Variants in ARHGAP18 observed in about 807,000 individuals in gnomAD.
The protein encoded by ARHGAP18 is Rho GTPase activating protein 18, also known as rho GTPase-activating protein 18.
ARHGAP18 carries 67 observed loss-of-function variants against 86.2 expected under a neutral mutation model. The ratio of observed to expected loss-of-function variants is 0.78; its 90% CI spans 0.64 to 0.95. The LOEUF (loss-of-function observed/expected upper bound fraction) is 0.95, where lower values mean the gene tolerates loss of function less well. Among genes scored for constraint, ARHGAP18 ranks in the 40% least tolerant of loss-of-function variants. The probability of loss-of-function intolerance (pLI) is 0.00; values close to 1 mark genes in which losing one functional copy is unlikely to be tolerated. For synonymous variants in ARHGAP18, 283 were observed against 280.4 expected (o/e 1.01, Z -0.09); for missense variants, 691 against 780.4 (o/e 0.89, Z 1.37).
intron 3 of ARHGAP18, 78 bp downstream of exon 3, chr6:129,638,316 C>G (rs1400320835): frequency 2.9e-6 from 4 of 1,368,270 alleles, no homozygotes; most frequent in Non-Finnish European, 4.1e-6. Flanking sequence ...CGTTTTTAAT[C>G]ATTTGAATTA....
Position 129,615,040 on chromosome 6 carries a change from T to TA in ARHGAP18, c.1044+1171dup, listed in dbSNP as rs945926651. 9.9e-5 allele frequency among the ~76,000 whole-genome samples: 15 copies of TA among 151,090 alleles called. No individual in the cohort carries two copies. In the South Asian group the frequency reaches 1.5e-3, roughly 15 times the overall value. ...GAGCCCCACAATTGTGTGAGCCAAT[T>TA]AAAAAAAAACAAATCTCTTCCTCTC... On this transcript the variant is annotated intron_variant, in intron 7 of 14. Coordinates refer to ENST00000368149, the MANE Select transcript of ARHGAP18 (RefSeq NM_033515.3).
Position 129,611,539 on chromosome 6 carries a change from T to G in ARHGAP18, c.1116A>C (p.Arg372Ser). Residue 372 changes from arginine to serine, a missense_variant, in exon 8 of 15, where the codon AGA becomes AGC. Coordinates refer to ENST00000368149, the MANE Select transcript of ARHGAP18 (RefSeq NM_033515.3). ...GLLRIPGAAI[R>S]IKNLCQELEA... ...AGTAGAACCCAGAGATTACCTTGATTCTAATGGCAGCTCCAGGGATCCGTA... is the reference window on the plus strand; with the variant it reads ...AGTAGAACCCAGAGATTACCTTGATGCTAATGGCAGCTCCAGGGATCCGTA... 6.2e-6 allele frequency: 10 copies of G among 1,613,658 alleles called. No individual in the cohort carries two copies. The highest frequency in any genetic ancestry group is 7.6e-6 in the Non-Finnish European group (9 of 1,179,686).
intron 5 of ARHGAP18, among the ~76,000 whole-genome samples, chr6:129,620,007 G>T (rs139049250): frequency 4.9e-4 from 75 of 152,178 alleles, no homozygotes; most frequent in African/African-American, 1.7e-3. Flanking sequence ...GAATTCAGAG[G>T]GCTATTGTGA....
rs77751439 is a variant in ARHGAP18, at chr6:129,692,508, T to C, written c.113+17516A>G. On this transcript the variant is annotated intron_variant, in intron 1 of 14. Transcript: ENST00000368149. ...TAAACAGGCACAGAATTTTAGGGGA[T>C]AAATATGAAAGCATACAGACAAAAA... 4.9e-3 allele frequency among the ~76,000 whole-genome samples: 743 copies of C among 152,208 alleles called. 4 individuals carry two copies. The highest frequency in any genetic ancestry group is 0.016 in the African/African-American group (651 of 41,520).
At chr6:129,681,788 C>T (rs150737494) in intron 1 of ARHGAP18, among the ~76,000 whole-genome samples, 386 of 152,322 alleles carry the variant, frequency 2.5e-3, no homozygotes, top group Non-Finnish European at 4.4e-3. Context: ...AAAGACAACA[C>T]ATTGCATTTC....
rs1788220235 is a variant in ARHGAP18, at chr6:129,578,303, A to G, written c.*210T>C. On this transcript the variant is annotated 3_prime_UTR_variant, in exon 15 of 15. Coordinates refer to ENST00000368149, the MANE Select transcript of ARHGAP18 (RefSeq NM_033515.3). ...TTAAGCCTCTTTACTCTCACTCCAG[A>G]AATTTTTTTTCTAATAATAACATTA... The G allele has an allele frequency of 9.0e-6, 2 of 223,158 alleles. No individual in the cohort carries two copies. The highest frequency in any genetic ancestry group is 4.6e-5 in the African/African-American group (2 of 43,622). The allele number at this position is 223,158 out of a possible 1,614,324, so 13.8% of individuals were successfully genotyped here.
chr6:129,610,601 C>T (rs930406451), intron 8 of ARHGAP18, among the ~76,000 whole-genome samples: 3 of 152,134 alleles, frequency 2.0e-5, no homozygotes, highest in African/African-American at 7.2e-5. Flanking sequence ...GGTCCCCCAT[C>T]TGCAGGAGTC....
At chr6:129,595,264 G>A (rs1210127283) in intron 12 of ARHGAP18, among the ~76,000 whole-genome samples, 2 of 152,096 alleles carry the variant, frequency 1.3e-5, no homozygotes, top group Non-Finnish European at 2.9e-5. Flanking sequence ...TTATCACATA[G>A]TAACATATTA....
chr6:129,582,653 C>T (rs1321413281), intron 13 of ARHGAP18, among the ~76,000 whole-genome samples: 2 of 152,180 alleles, frequency 1.3e-5, no homozygotes, highest in Non-Finnish European at 2.9e-5. Context: ...TCTCCAAAAA[C>T]ACATCTACTC....
At chr6:129,637,747 C>T (rs564647334) in intron 3 of ARHGAP18, among the ~76,000 whole-genome samples, 8 of 152,194 alleles carry the variant, frequency 5.3e-5, no homozygotes. Flanking sequence ...GATCACTTTC[C>T]TTTCCCTGTC....
intron 1 of ARHGAP18, among the ~76,000 whole-genome samples, chr6:129,697,199 C>G (rs1418489760): frequency 6.6e-6 from 1 of 152,174 alleles, no homozygotes; most frequent in Non-Finnish European, 1.5e-5. Flanking sequence ...GATAACCAAC[C>G]AGCACAAGTG....
At chr6:129,579,799 C>T (rs1246601904) in intron 14 of ARHGAP18, among the ~76,000 whole-genome samples, 2 of 152,164 alleles carry the variant, frequency 1.3e-5, no homozygotes, top group East Asian at 1.9e-4. Context: ...TTTTGAAAAA[C>T]TTGCATCATT....
chr6:129,626,979 A>C (rs1192553096), intron 5 of ARHGAP18, among the ~76,000 whole-genome samples: 1 of 152,158 alleles, frequency 6.6e-6, no homozygotes, highest in East Asian at 1.9e-4. Flanking sequence ...TCATAGTCAC[A>C]AAAGTCTATT....
intron 1 of ARHGAP18, among the ~76,000 whole-genome samples, chr6:129,698,841 C>T (rs533373683): frequency 6.8e-4 from 103 of 152,030 alleles, no homozygotes; most frequent in South Asian, 1.7e-3. Flanking sequence ...TACAGGCATG[C>T]ACCACCATGC....
intron 5 of ARHGAP18, among the ~76,000 whole-genome samples, chr6:129,626,248 G>A (rs1287881175): frequency 6.6e-6 from 1 of 151,348 alleles, no homozygotes; most frequent in Admixed American, 6.6e-5. Flanking sequence ...ACTATGGTAT[G>A]ATTTCCACAA....
Position 129,592,456 on chromosome 6 carries a change from GACA to G in ARHGAP18, c.1713+6757_1713+6759del, listed in dbSNP as rs1382782570. The stretch of plus-strand genomic sequence containing the variant: ...TCCATAGCCCTACACTTTAAAATGT[GACA>G]ACATTATTCTGGAACTTTCAGCAAG... On this transcript the variant is annotated intron_variant, in intron 12 of 14. Transcript: ENST00000368149. Among the ~76,000 whole-genome samples, 9 of 152,318 alleles carry G rather than the reference GACA, an allele frequency of 5.9e-5. No homozygotes were observed. The East Asian group carries it at 1.7e-3, about 29-fold the overall frequency.
At position 129,647,379 on chromosome 6, in the gene ARHGAP18, T is replaced by C. The variant is rs535223141; in HGVS notation, c.114-5361A>G. Among the ~76,000 whole-genome samples the C allele has an allele frequency of 3.5e-4, 53 of 152,316 alleles. 1 individual carries two copies. The highest frequency in any genetic ancestry group is 3.4e-3 in the Admixed American group (52 of 15,302). ...GGTCCAATTTCTACCTTGTGTTCCC[T>C]ACCCTGTTTAAAGTCCTATCGTGAT... On this transcript the variant is annotated intron_variant, in intron 1 of 14. Transcript: ENST00000368149.
At chr6:129,636,280 C>T (rs924256561) in intron 3 of ARHGAP18, among the ~76,000 whole-genome samples, 5 of 152,104 alleles carry the variant, frequency 3.3e-5, no homozygotes, top group Admixed American at 2.6e-4. Context: ...ATTGGTCATG[C>T]AAAGAGAGTA....
At chr6:129,699,081 C>G (rs1011782774) in intron 1 of ARHGAP18, among the ~76,000 whole-genome samples, 21 of 152,280 alleles carry the variant, frequency 1.4e-4, no homozygotes, top group Admixed American at 7.8e-4. Context: ...TTGCAATCCA[C>G]CAACCTCGGC....
Sources: allele counts gnomAD v4.1 joint callset (sites outside exome capture counted in the v4.1 genomes callset), GRCh38; gene constraint gnomAD v4.1.1; transcripts MANE v1.5; gene names NCBI Gene and HGNC (gene_info 2026-07-23, HGNC 2026-07-21).